MIB1: variants seen among roughly 807,000 people sequenced by gnomAD.
MIB1 encodes MIB E3 ubiquitin protein ligase 1.
In MIB1, 278 loss-of-function variants were observed where a neutral mutation model predicts 124.5. The ratio of observed to expected loss-of-function variants is 2.23; its 90% CI spans 2.02 to 2.47. MIB1 has a LOEUF of 2.47. Ranked by LOEUF, MIB1 falls within the 30% of genes most tolerant of loss-of-function variation. The pLI, the probability that MIB1 is intolerant of heterozygous loss-of-function variation, is 0.00. For synonymous variants in MIB1, 446 were observed against 429.4 expected (o/e 1.04, Z -0.48); for missense variants, 957 against 1,254.4 (o/e 0.76, Z 3.58).
intron 12 of MIB1, among the ~76,000 whole-genome samples, chr18:21,835,801 C>CCACACA (rs774725850): frequency 2.7e-4 from 27 of 101,576 alleles, no homozygotes; most frequent in African/African-American, 7.3e-4. Context: ...ATATATATAT[C>CCACACA]CACACACACA....
At chr18:21,852,487 G>A (rs1056477805) in intron 17 of MIB1, among the ~76,000 whole-genome samples, 15 of 152,150 alleles carry the variant, frequency 9.9e-5, no homozygotes, top group Non-Finnish European at 1.9e-4. Flanking sequence ...CAGAGCCAAG[G>A]TGGTTAATAG....
At position 21,748,155 on chromosome 18, in the gene MIB1, C is replaced by T. The variant is rs62090807; in HGVS notation, c.229+6343C>T. The stretch of plus-strand genomic sequence containing the variant: ...GGATGAATGCCAGTTGATTGCTTTT[C>T]CTCAGTATCATTCTCTTTTTCTTTT... On this transcript the variant is annotated intron_variant, in intron 1 of 20. Coordinates refer to ENST00000261537, the MANE Select transcript of MIB1 (RefSeq NM_020774.4). Among the ~76,000 whole-genome samples the T allele has an allele frequency of 7.6e-3, 1,162 of 152,196 alleles. 10 individuals are homozygous for T. The highest frequency in any genetic ancestry group is 0.014 in the Non-Finnish European group (919 of 67,998).
At chr18:21,735,517 A>T (rs916816335) in intron 1 of MIB1, among the ~76,000 whole-genome samples, 3 of 151,744 alleles carry the variant, frequency 2.0e-5, no homozygotes, top group Non-Finnish European at 4.4e-5. Context: ...GAACACCAGC[A>T]AGACAGAACC....
At chr18:21,749,910 G>C (rs2146385463) in intron 1 of MIB1, among the ~76,000 whole-genome samples, 1 of 151,728 alleles carries the variant, frequency 6.6e-6, no homozygotes, top group East Asian at 1.9e-4. Flanking sequence ...CCAAAGTGCT[G>C]GGATTACAGG....
At chr18:21,731,550 G>A (rs1334312110) in intron 1 of MIB1, among the ~76,000 whole-genome samples, 2 of 151,784 alleles carry the variant, frequency 1.3e-5, no homozygotes, top group African/African-American at 2.4e-5. Context: ...TGGCTAACAC[G>A]GTGAAACCCC....
At chr18:21,712,520 C>T (rs1489766837) in intron 1 of MIB1, among the ~76,000 whole-genome samples, 3 of 152,168 alleles carry the variant, frequency 2.0e-5, no homozygotes, top group African/African-American at 7.2e-5. Flanking sequence ...CAGAGAAAGC[C>T]ACATAGCAGC....
chr18:21,785,533 G>A (rs971926969), intron 6 of MIB1, among the ~76,000 whole-genome samples: 1 of 152,162 alleles, frequency 6.6e-6, no homozygotes, highest in African/African-American at 2.4e-5. Flanking sequence ...TCCACATTGT[G>A]ACTTGTTGTC....
At chr18:21,724,103 G>A (rs1313713911) in intron 1 of MIB1, 1 of 152,558 alleles carries the variant, frequency 6.6e-6, no homozygotes, top group East Asian at 1.9e-4. Context: ...TTTGGTTAAA[G>A]TAACATTCTA....
At chr18:21,764,308 T>G (rs1434269402) in intron 1 of MIB1, among the ~76,000 whole-genome samples, 1 of 152,032 alleles carries the variant, frequency 6.6e-6, no homozygotes, top group Non-Finnish European at 1.5e-5. Context: ...TCCCCTCCCT[T>G]TCCCTCAAAA....
At chr18:21,822,388 G>T (rs1360344069) in intron 12 of MIB1, among the ~76,000 whole-genome samples, 1 of 151,836 alleles carries the variant, frequency 6.6e-6, no homozygotes, top group Non-Finnish European at 1.5e-5. Context: ...TTCAATTCTT[G>T]CATAAATCTT....
At chr18:21,781,412 T>A (rs1308331495) in intron 6 of MIB1, among the ~76,000 whole-genome samples, 15 of 97,616 alleles carry the variant, frequency 1.5e-4, no homozygotes, top group African/African-American at 4.6e-4. Flanking sequence ...TATATATATA[T>A]ATAAAATTAT....
At chr18:21,761,125 T>G (rs184363660) in intron 1 of MIB1, among the ~76,000 whole-genome samples, 1 of 152,180 alleles carries the variant, frequency 6.6e-6, no homozygotes, top group Non-Finnish European at 1.5e-5. Flanking sequence ...ATGTCCATTT[T>G]GGAAAAATAA....
chr18:21,785,514 T>C (rs2146435102), intron 6 of MIB1, among the ~76,000 whole-genome samples: 1 of 152,346 alleles, frequency 6.6e-6, no homozygotes, highest in East Asian at 1.9e-4. Context: ...CTCTACACTT[T>C]TTAACTCCTC....
intron 10 of MIB1, 42 bp downstream of exon 10, chr18:21,804,056 C>A: frequency 7.5e-7 from 1 of 1,338,400 alleles, no homozygotes; most frequent in Non-Finnish European, 1.1e-6. Flanking sequence ...CATTTATTTC[C>A]TAGAAATAAT....
chr18:21,752,136 G>A (rs1479063431), intron 1 of MIB1, among the ~76,000 whole-genome samples: 1 of 152,178 alleles, frequency 6.6e-6, no homozygotes, highest in African/African-American at 2.4e-5. Flanking sequence ...GCTTGAGCTG[G>A]TCAGCCTTTA....
chr18:21,721,182 T>G (rs1484637171), intron 1 of MIB1, among the ~76,000 whole-genome samples: 6 of 116,526 alleles, frequency 5.1e-5, no homozygotes, highest in Non-Finnish European at 8.7e-5. Context: ...TTTTTTTTTT[T>G]TTTTTTTTTT....
chr18:21,840,665 ATT>A (rs375520508), intron 13 of MIB1, among the ~76,000 whole-genome samples: 12 of 3,132 alleles, frequency 3.8e-3, no homozygotes, highest in African/African-American at 4.8e-3. Context: ...ATATATATAT[ATT>A]TTTTTTTTTT....
intron 13 of MIB1, among the ~76,000 whole-genome samples, chr18:21,842,307 G>A (rs1053368469): frequency 6.6e-6 from 1 of 151,764 alleles, no homozygotes; most frequent in African/African-American, 2.4e-5. Flanking sequence ...CGAAATGATC[G>A]GTTTATCTTT....
chr18:21,724,338 G>A (rs969739180), intron 1 of MIB1: 1 of 152,046 alleles, frequency 6.6e-6, no homozygotes, highest in Non-Finnish European at 1.5e-5. Context: ...TATACTTGAA[G>A]AGAATGCCAA....
Sources: allele counts gnomAD v4.1 joint callset (sites outside exome capture counted in the v4.1 genomes callset), GRCh38; gene constraint gnomAD v4.1.1; transcripts MANE v1.5; gene names NCBI Gene and HGNC (gene_info 2026-07-23, HGNC 2026-07-21).